The following MLLT10 variants were observed in gnomAD, a reference collection of about 807,000 sequenced individuals.
The protein encoded by MLLT10 is protein AF-10.
In MLLT10, 30 loss-of-function variants were observed where a neutral mutation model predicts 129.1. The observed-to-expected ratio is 0.23, with a 90% CI of 0.17 to 0.32. The LOEUF is 0.32. Ranked by LOEUF, MLLT10 falls within the 10% of genes least tolerant of loss-of-function variation. MLLT10 has a pLI of 1.00. For missense variants in MLLT10, 1,119 were observed against 1,268.3 expected (o/e 0.88, Z 1.79); for synonymous variants, 490 against 446.4 (o/e 1.10, Z -1.23).
At chr10:21,710,759 C>A (rs1249760995) in intron 13 of MLLT10, among the ~76,000 whole-genome samples, 1 of 152,208 alleles carries the variant, frequency 6.6e-6, no homozygotes, top group African/African-American at 2.4e-5. Context: ...TATTTCACCA[C>A]CTACTAGCTC....
intron 8 of MLLT10, among the ~76,000 whole-genome samples, chr10:21,620,281 T>A (rs1195061543): frequency 1.3e-5 from 2 of 152,172 alleles, no homozygotes; most frequent in Admixed American, 6.5e-5. Context: ...ATGCCTAGCA[T>A]GTTTTTAGTG....
Position 21,742,265 on chromosome 10 carries a change from T to G in MLLT10, c.*282T>G, listed in dbSNP as rs41299228. 1,428 of 354,818 alleles carry G rather than the reference T, an allele frequency of 4.0e-3. 3 individuals carry two copies. The highest frequency in any genetic ancestry group is 5.8e-3 in the Admixed American group (126 of 21,702). 22.0% of individuals were successfully genotyped at this position (354,818 alleles called of 1,614,324 possible). ...AAAGTGACATAATTTACATGCAATA[T>G]GTTTATCAACTCAAGAATTTAATAT... On this transcript the variant is annotated 3_prime_UTR_variant, in exon 23 of 23. Transcript: ENST00000307729.
At chr10:21,698,812 C>T (rs1024971686) in intron 13 of MLLT10, among the ~76,000 whole-genome samples, 4 of 152,010 alleles carry the variant, frequency 2.6e-5, no homozygotes, top group Admixed American at 2.6e-4. Context: ...ATTTACATTC[C>T]CCTGATGATT....
intron 3 of MLLT10, among the ~76,000 whole-genome samples, chr10:21,580,959 G>T (rs2041373360): frequency 1.4e-5 from 2 of 146,084 alleles, no homozygotes; most frequent in South Asian, 4.3e-4. Flanking sequence ...TGATCTGCCT[G>T]CATTGGCTTC....
At chr10:21,711,005 G>C (rs2131507237) in intron 13 of MLLT10, among the ~76,000 whole-genome samples, 1 of 152,248 alleles carries the variant, frequency 6.6e-6, no homozygotes, top group South Asian at 2.1e-4. Context: ...TTAGTCACCA[G>C]GTTCTATTGG....
intron 8 of MLLT10, among the ~76,000 whole-genome samples, chr10:21,642,012 G>C (rs1377856078): frequency 6.6e-6 from 1 of 152,178 alleles, no homozygotes; most frequent in African/African-American, 2.4e-5. Flanking sequence ...AGCATCTAAA[G>C]GCAGGAAGGG....
At chr10:21,551,040 C>T (rs1472403249) in intron 3 of MLLT10, among the ~76,000 whole-genome samples, 1 of 151,482 alleles carries the variant, frequency 6.6e-6, no homozygotes, top group Non-Finnish European at 1.5e-5. Flanking sequence ...GATTCTCCTG[C>T]CTTAGCCTCC....
chr10:21,566,889 C>G (rs867723439), intron 3 of MLLT10, among the ~76,000 whole-genome samples: 1 of 152,190 alleles, frequency 6.6e-6, no homozygotes, highest in Middle Eastern at 3.4e-3. Context: ...TCTCGGCTCA[C>G]CTCAACCTCC....
rs1589382853 is a variant in MLLT10, at chr10:21,640,562, G to A, written c.700-11111G>A. On this transcript the variant is annotated intron_variant, in intron 8 of 22. Transcript: ENST00000307729. The stretch of plus-strand genomic sequence containing the variant: ...GTTCCCATAGGGCACTGCAAAGAAG[G>A]CCAGATAAAATCTGTTTGTGCTGTG... Among the ~76,000 whole-genome samples, 3 of 152,012 alleles carry A rather than the reference G, an allele frequency of 2.0e-5. No homozygotes were observed. In the East Asian group the frequency reaches 5.8e-4, roughly 29 times the overall value.
intron 3 of MLLT10, among the ~76,000 whole-genome samples, chr10:21,570,222 G>A (rs1761454548): frequency 1.3e-5 from 2 of 149,470 alleles, no homozygotes; most frequent in African/African-American, 2.5e-5. Context: ...TTGTGTGTGT[G>A]TGTGTGTGTG....
At chr10:21,558,142 G>A (rs2038303749) in intron 3 of MLLT10, among the ~76,000 whole-genome samples, 1 of 151,422 alleles carries the variant, frequency 6.6e-6, no homozygotes, top group African/African-American at 2.4e-5. Context: ...GTAGAGATGG[G>A]GTTTTGCCAT....
rs192913468 is a variant in MLLT10 at position 21,663,719 on chromosome 10, C to T, written c.796-6730C>T. Among the ~76,000 whole-genome samples, 42 of 152,198 alleles carry T rather than the reference C, an allele frequency of 2.8e-4. No homozygotes were observed. In the East Asian group the frequency reaches 7.0e-3, roughly 25 times the overall value. On this transcript the variant is annotated intron_variant, in intron 9 of 22. Coordinates refer to ENST00000307729, the MANE Select transcript of MLLT10 (RefSeq NM_001195626.3). ...AGCTGGGACTACAGACGCCTGCCAC[C>T]CCACCTGGGTAATTTTTAAATATTT...
intron 4 of MLLT10, among the ~76,000 whole-genome samples, chr10:21,594,992 CT>C (rs2042908027): frequency 6.6e-6 from 1 of 152,042 alleles, no homozygotes; most frequent in South Asian, 2.1e-4. Flanking sequence ...AAGTATTAAA[CT>C]TTTAAAAACT....
At chr10:21,703,791 G>A (rs1364520278) in intron 13 of MLLT10, among the ~76,000 whole-genome samples, 1 of 151,720 alleles carries the variant, frequency 6.6e-6, no homozygotes, top group East Asian at 1.9e-4. Flanking sequence ...TGATCCGCCC[G>A]CCTCAGCCTC....
intron 3 of MLLT10, chr10:21,557,304 C>A: frequency 4.1e-6 from 2 of 481,948 alleles, no homozygotes; most frequent in Non-Finnish European, 2.9e-6. Context: ...TGGACACTGT[C>A]CATTTTGTTC....
At chr10:21,673,114 A>G (rs375388652) in intron 10 of MLLT10, among the ~76,000 whole-genome samples, 7 of 152,182 alleles carry the variant, frequency 4.6e-5, no homozygotes, top group African/African-American at 7.2e-5. Flanking sequence ...ATAGCTTGCA[A>G]TTCCACAGTA....
chr10:21,607,252 A>G (rs1396288263), intron 5 of MLLT10, among the ~76,000 whole-genome samples: 2 of 151,984 alleles, frequency 1.3e-5, no homozygotes. Context: ...TATTATTATA[A>G]TAAACATTAT....
chr10:21,586,941 T>C (rs1235994043), intron 4 of MLLT10, among the ~76,000 whole-genome samples: 1 of 152,114 alleles, frequency 6.6e-6, no homozygotes, highest in Non-Finnish European at 1.5e-5. Context: ...AGGAATTTTT[T>C]TTTTTTGAAA....
intron 8 of MLLT10, chr10:21,625,593 T>G (rs2046352564): frequency 2.6e-6 from 2 of 758,316 alleles, no homozygotes; most frequent in Admixed American, 3.4e-5. Flanking sequence ...TTCTTCTTTT[T>G]GTCATCAGGT....
Sources: allele counts gnomAD v4.1 joint callset (sites outside exome capture counted in the v4.1 genomes callset), GRCh38; gene constraint gnomAD v4.1.1; transcripts MANE v1.5; gene names NCBI Gene and HGNC (gene_info 2026-07-23, HGNC 2026-07-21).